Variants in HDAC8 observed in about 807,000 individuals in gnomAD.
The protein encoded by HDAC8 is histone deacetylase 8.
Under a neutral mutation model 32.2 loss-of-function variants are expected in HDAC8, and 1 was observed. That is an observed-to-expected ratio of 0.03 (90% CI 0.01 to 0.15). The LOEUF is 0.15. Among genes scored for constraint, HDAC8 ranks in the 10% least tolerant of loss-of-function variants. The probability of loss-of-function intolerance (pLI) is 1.00; values close to 1 mark genes in which losing one functional copy is unlikely to be tolerated. For synonymous variants in HDAC8, 108 were observed against 113.9 expected, an observed-to-expected ratio of 0.95 and a Z score of 0.33; for missense variants, 117 against 300.0, an observed-to-expected ratio of 0.39 and a Z score of 4.51.
At chrX:72,537,313 G>A (rs1290543307) in intron 4 of HDAC8, among the ~76,000 whole-genome samples, 1 of 111,828 alleles carries the variant, frequency 8.9e-6, no homozygotes, top group Non-Finnish European at 1.9e-5. Context: ...GCCATCTAAT[G>A]AGGTGGAAAG....
chrX:72,348,903 A>G (rs2044100257), intron 10 of HDAC8, among the ~76,000 whole-genome samples: 1 of 111,606 alleles, frequency 9.0e-6, no homozygotes, highest in Non-Finnish European at 1.9e-5. Flanking sequence ...TTAGGGTTGG[A>G]AGGAGCCTTA....
chrX:72,338,475 G>C (rs1383371402), intron 10 of HDAC8, among the ~76,000 whole-genome samples: 2 of 109,294 alleles, frequency 1.8e-5, no homozygotes, highest in Middle Eastern at 4.7e-3. Context: ...AGTTTGGAGG[G>C]ATGCTGGTGT....
intron 4 of HDAC8, among the ~76,000 whole-genome samples, chrX:72,544,403 A>T (rs781990460): frequency 4.5e-5 from 5 of 111,733 alleles, no homozygotes; most frequent in African/African-American, 1.6e-4. Flanking sequence ...CTGGAAGGTC[A>T]TTTTTTTGTG....
At chrX:72,475,905 G>T (rs1010983568) in intron 7 of HDAC8, among the ~76,000 whole-genome samples, 1 of 111,201 alleles carries the variant, frequency 9.0e-6, no homozygotes, top group African/African-American at 3.3e-5. Context: ...ATTTCTTAAC[G>T]TTTTAAAGGG....
At chrX:72,446,334 A>T (rs1212642332) in intron 9 of HDAC8, among the ~76,000 whole-genome samples, 2 of 112,095 alleles carry the variant, frequency 1.8e-5, no homozygotes, top group Non-Finnish European at 3.8e-5. Flanking sequence ...GCACATATAC[A>T]CCATGGAATA....
intron 9 of HDAC8, among the ~76,000 whole-genome samples, chrX:72,439,618 T>C (rs187007845): frequency 0.014 from 1,215 of 88,603 alleles, 9 homozygotes; most frequent in Non-Finnish European, 0.019. Context: ...GATGGATGAA[T>C]ATTTACAAGC....
chrX:72,520,628 C>G (rs2049953875), intron 4 of HDAC8, among the ~76,000 whole-genome samples: 1 of 112,186 alleles, frequency 8.9e-6, no homozygotes, highest in Non-Finnish European at 1.9e-5. Flanking sequence ...CATTATCATG[C>G]CTAAGAAAAT....
At chrX:72,466,690 G>A (rs2048026109) in intron 7 of HDAC8, 2 of 112,330 alleles carry the variant, frequency 1.8e-5, no homozygotes, top group South Asian at 7.5e-4. Flanking sequence ...CTTACCATAT[G>A]ACCTAGTAAT....
At chrX:72,486,237 A>C (rs1355729114) in intron 7 of HDAC8, among the ~76,000 whole-genome samples, 1 of 112,785 alleles carries the variant, frequency 8.9e-6, no homozygotes, top group Non-Finnish European at 1.9e-5. Context: ...GAAGGGTCAG[A>C]GGTAACAATG....
chrX:72,365,049 T>A (rs954214909), intron 9 of HDAC8, among the ~76,000 whole-genome samples: 1 of 112,286 alleles, frequency 8.9e-6, no homozygotes, highest in Admixed American at 9.4e-5. Flanking sequence ...ACAGGTTGAA[T>A]ATCCCTTTTC....
chrX:72,422,509 T>G (rs2046522038), intron 9 of HDAC8, among the ~76,000 whole-genome samples: 1 of 111,515 alleles, frequency 9.0e-6, no homozygotes, highest in South Asian at 3.8e-4. Flanking sequence ...AAAACACCTC[T>G]CCCAGTCTTT....
chrX:72,474,681 C>T (rs781818646), intron 7 of HDAC8: 1 of 1,206,899 alleles, frequency 8.3e-7, no homozygotes, highest in Non-Finnish European at 1.1e-6. Flanking sequence ...GGAAGACAAG[C>T]TGCGGCAGCT....
chrX:72,557,620 T>A (rs781993237), intron 4 of HDAC8, among the ~76,000 whole-genome samples: 1 of 110,495 alleles, frequency 9.1e-6, no homozygotes, highest in African/African-American at 3.3e-5. Flanking sequence ...AATACCTACA[T>A]TAAAAAGTCT....
intron 5 of HDAC8, among the ~76,000 whole-genome samples, chrX:72,494,355 T>C (rs782579894): frequency 9.1e-6 from 1 of 110,058 alleles, no homozygotes; most frequent in Non-Finnish European, 1.9e-5. Flanking sequence ...CTTGATTATG[T>C]TAGTTTGTCT....
intron 4 of HDAC8, among the ~76,000 whole-genome samples, chrX:72,520,676 A>T (rs1337830517): frequency 8.9e-6 from 1 of 112,607 alleles, no homozygotes; most frequent in Non-Finnish European, 1.9e-5. Context: ...TATAGTCTGT[A>T]AATTTCCCAA....
At chrX:72,398,138 C>T (rs1378672530) in intron 9 of HDAC8, among the ~76,000 whole-genome samples, 4 of 111,585 alleles carry the variant, frequency 3.6e-5, no homozygotes, top group African/African-American at 1.3e-4. Flanking sequence ...ATTTTTTTTC[C>T]AATCTGGTGG....
chrX:72,485,938 G>A (rs2048658461), intron 7 of HDAC8, among the ~76,000 whole-genome samples: 1 of 110,123 alleles, frequency 9.1e-6, no homozygotes, highest in East Asian at 2.9e-4. Flanking sequence ...TGGCTAACAC[G>A]GTGAAACCCC....
intron 7 of HDAC8, among the ~76,000 whole-genome samples, chrX:72,472,859 C>A (rs2048226757): frequency 1.8e-5 from 2 of 110,838 alleles, no homozygotes; most frequent in Admixed American, 9.6e-5. Flanking sequence ...CCTCCCTTTT[C>A]CTGTTCCTTT....
chrX:72,549,586 T>C (rs782498664), intron 4 of HDAC8, among the ~76,000 whole-genome samples: 2 of 111,590 alleles, frequency 1.8e-5, no homozygotes, highest in South Asian at 7.6e-4. Context: ...ACACATCAAA[T>C]GTAGAGAAGT....
Sources: allele counts gnomAD v4.1 joint callset (sites outside exome capture counted in the v4.1 genomes callset), GRCh38; gene constraint gnomAD v4.1.1; transcripts MANE v1.5; gene names NCBI Gene and HGNC (gene_info 2026-07-23, HGNC 2026-07-21).